RRM2B: variants seen among roughly 807,000 people sequenced by gnomAD.
The protein encoded by RRM2B is ribonucleotide reductase regulatory TP53 inducible subunit M2B.
In RRM2B, 20 loss-of-function variants were observed where a neutral mutation model predicts 45.9. The ratio of observed to expected loss-of-function variants is 0.44; its 90% CI spans 0.31 to 0.63. The LOEUF (loss-of-function observed/expected upper bound fraction) is 0.63. RRM2B is among the 30% of genes least tolerant of loss of function. The pLI, the probability that RRM2B is intolerant of heterozygous loss-of-function variation, is 0.09. For missense variants in RRM2B, 320 were observed against 414.7 expected (o/e 0.77, Z 1.98); for synonymous variants, 124 against 132.3 (o/e 0.94, Z 0.43).
chr8:102,217,353 T>C (rs1044386080), intron 6 of RRM2B, among the ~76,000 whole-genome samples: 4 of 152,160 alleles, frequency 2.6e-5, no homozygotes, highest in Admixed American at 6.5e-5. Flanking sequence ...TTGAGATTAA[T>C]TTTTTATTCT....
Position 102,224,979 on chromosome 8 carries a change from G to A in RRM2B, c.361C>T (p.Arg121Cys). The change falls in exon 4 of 9, where the codon CGC (arginine) becomes TGC (cysteine). Residue 121 changes from arginine to cysteine, a missense_variant. This residue lies in a region of RRM2B where 225 missense variants were observed against 289.4 expected (regional missense o/e 0.78). Transcript: ENST00000251810. ...FSQEVQVPEA[R>C]CFYGFQILIE... ...AGAATTTGAAAGCCATAGAAACAGC[G>A]AGCCTCTGGAACCTGCACCTCCTGA... The A allele has an allele frequency of 6.2e-7, 1 of 1,614,088 alleles. No homozygotes were observed. The highest frequency in any genetic ancestry group is 8.5e-7 in the Non-Finnish European group (1 of 1,179,978).
At chr8:102,214,424 C>A in intron 6 of RRM2B, 2 of 382,730 alleles carry the variant, frequency 5.2e-6, no homozygotes, top group South Asian at 2.5e-5. Flanking sequence ...ACAAAATCTG[C>A]AAATAAAAGC....
At chr8:102,225,136 T>C in intron 3 of RRM2B, 118 bp from the exon 4 acceptor site, 2 of 939,270 alleles carry the variant, frequency 2.1e-6, no homozygotes, top group Non-Finnish European at 3.4e-6. Flanking sequence ...AACAAACAGG[T>C]CAGAAAGACC....
chr8:102,238,548 G>C lies in RRM2B; in HGVS notation c.48+279C>G, dbSNP rs925432756. 3.3e-6 allele frequency: 5 copies of C among 1,505,238 alleles called. No homozygotes were observed. In the African/African-American group the frequency reaches 4.1e-5, roughly 12 times the overall value. The allele number at this position is 1,505,238 out of a possible 1,614,324, so 93.2% of individuals were successfully genotyped here. On this transcript the variant is annotated intron_variant, in intron 1 of 8. Coordinates refer to ENST00000251810, the MANE Select transcript of RRM2B (RefSeq NM_015713.5). ...GAGCGTGAGGCGGATAAACGCAGGG[G>C]TAAGTCTCACCCCGGCCTGAGGCCT...
intron 6 of RRM2B, 63 bp downstream of exon 6, chr8:102,218,751 A>G: frequency 7.2e-7 from 1 of 1,397,984 alleles, no homozygotes; most frequent in Non-Finnish European, 9.9e-7. Context: ...AAGATGGAAA[A>G]GAAAAATAGA....
intron 7 of RRM2B, 69 bp downstream of exon 7, chr8:102,213,985 G>T: frequency 9.3e-7 from 1 of 1,074,600 alleles, no homozygotes; most frequent in Non-Finnish European, 1.4e-6. Flanking sequence ...TTTCTTATGA[G>T]TCAATATAAT....
chr8:102,238,229 C>T (rs1348845935), intron 1 of RRM2B, among the ~76,000 whole-genome samples: 1 of 152,182 alleles, frequency 6.6e-6, no homozygotes, highest in East Asian at 1.9e-4. Context: ...AGTATCACTT[C>T]CATTGTATAA....
At chr8:102,237,598 C>T (rs1421052364) in intron 1 of RRM2B, among the ~76,000 whole-genome samples, 1 of 152,202 alleles carries the variant, frequency 6.6e-6, no homozygotes, top group East Asian at 1.9e-4. Flanking sequence ...AAAATTCATT[C>T]TGAATCTAAA....
At chr8:102,223,965 C>T (rs558419782) in intron 5 of RRM2B, 81 bp downstream of exon 5, 23 of 966,494 alleles carry the variant, frequency 2.4e-5, no homozygotes, top group Admixed American at 1.5e-4. Flanking sequence ...AACTTTGATT[C>T]GTACTGGATA....
chr8:102,231,073 T>C (rs1459854427), intron 2 of RRM2B, among the ~76,000 whole-genome samples: 3 of 152,216 alleles, frequency 2.0e-5, no homozygotes, highest in East Asian at 3.8e-4. Context: ...CATCTATCTA[T>C]AGAGATACAT....
At chr8:102,218,141 G>C (rs1290000241) in intron 6 of RRM2B, among the ~76,000 whole-genome samples, 2 of 152,192 alleles carry the variant, frequency 1.3e-5, no homozygotes, top group Non-Finnish European at 2.9e-5. Context: ...TTGGCACTTA[G>C]GAAAGAATAT....
rs749402406 is a variant in RRM2B at position 102,207,170 on chromosome 8, C to T, written c.*963G>A. The T allele has an allele frequency of 6.6e-6, 1 of 152,172 alleles. No homozygotes were observed. Among genetic ancestry groups the T allele is most frequent in the Non-Finnish European group, 1.5e-5 (1 of 68,026 alleles). The allele number at this position is 152,172 out of a possible 1,614,324, so 9.4% of individuals were successfully genotyped here. A position where few individuals can be genotyped will look rare whatever the true frequency, so the allele number is the denominator to read the frequency against. On this transcript the variant is annotated 3_prime_UTR_variant, in exon 9 of 9. Transcript: ENST00000251810. ...GATAAATTTATGTACCACTGAACTG[C>T]TCAGTCTTTGATGTACTGACTGTAC...
intron 1 of RRM2B, among the ~76,000 whole-genome samples, chr8:102,235,875 G>A (rs1301674164): frequency 6.6e-6 from 1 of 152,112 alleles, no homozygotes; most frequent in Non-Finnish European, 1.5e-5. Context: ...AATGAATTCA[G>A]TTTCAAGATG....
intron 6 of RRM2B, among the ~76,000 whole-genome samples, chr8:102,217,609 C>G (rs1810752768): frequency 6.6e-6 from 1 of 152,024 alleles, no homozygotes; most frequent in Non-Finnish European, 1.5e-5. Context: ...ATAGCCAAAA[C>G]ATTGAGAACA....
intron 1 of RRM2B, among the ~76,000 whole-genome samples, chr8:102,233,420 G>A (rs1382717608): frequency 6.6e-6 from 1 of 152,202 alleles, no homozygotes; most frequent in African/African-American, 2.4e-5. Context: ...TTGAGCCCTG[G>A]AGAAGAGGAA....
intron 7 of RRM2B, among the ~76,000 whole-genome samples, chr8:102,213,249 CAT>C (rs1810666010): frequency 6.6e-6 from 1 of 151,780 alleles, no homozygotes; most frequent in Non-Finnish European, 1.5e-5. Flanking sequence ...TCATGAAGAA[CAT>C]GACTATGGAA....
chr8:102,237,181 C>A (rs1007922152), intron 1 of RRM2B, among the ~76,000 whole-genome samples: 1 of 152,174 alleles, frequency 6.6e-6, no homozygotes, highest in African/African-American at 2.4e-5. Context: ...TAAACTTTAC[C>A]TTGACAATAG....
chr8:102,211,542 C>T (rs1810636266), intron 8 of RRM2B, among the ~76,000 whole-genome samples: 1 of 152,118 alleles, frequency 6.6e-6, no homozygotes, highest in Non-Finnish European at 1.5e-5. Flanking sequence ...ACCCAAGGGT[C>T]AGCAGTTTTC....
At chr8:102,212,960 G>T in intron 7 of RRM2B, 71 bp from the exon 8 acceptor site, 1 of 822,172 alleles carries the variant, frequency 1.2e-6, no homozygotes, top group Non-Finnish European at 2.1e-6. Flanking sequence ...ATAGAAAGAG[G>T]ACTTTCGTTT....
Sources: gnomAD v4.1 joint callset for allele counts (sites outside exome capture counted in the v4.1 genomes callset) on GRCh38, gnomAD v4.1.1 for gene constraint, gnomAD v4.1.1 regional missense constraint, MANE v1.5 for transcripts, NCBI Gene and HGNC (gene_info 2026-07-23, HGNC 2026-07-21) for gene names.